The following SPATA13 variants were observed in gnomAD, a reference collection of about 807,000 sequenced individuals.
SPATA13 encodes spermatogenesis-associated protein 13.
In SPATA13, 50 loss-of-function variants were observed where a neutral mutation model predicts 104.0. The observed-to-expected ratio is 0.48, with a 90% CI of 0.38 to 0.61. The LOEUF is 0.61. SPATA13 is among the 20% of genes least tolerant of loss of function. The pLI is 0.00. For missense variants in SPATA13, 1,524 were observed against 1,690.6 expected (o/e 0.90, Z 1.73); for synonymous variants, 606 against 667.5 (o/e 0.91, Z 1.42).
At position 24,204,260 on chromosome 13, in the gene SPATA13, T is replaced by C. The variant is rs146987529; in HGVS notation, c.-111-18559T>C. On this transcript the variant is annotated intron_variant, in intron 1 of 12. Coordinates refer to ENST00000382108, the MANE Select transcript of SPATA13 (RefSeq NM_001166271.3). ...GAGTCTCTGTTACTGTTATCCACAT[T>C]TTTCATTTTGCAGATGAAAAATCTG... 2.7e-3 allele frequency among the ~76,000 whole-genome samples: 415 copies of C among 152,294 alleles called. 8 individuals carry two copies. The highest frequency in any genetic ancestry group is 0.026 in the Admixed American group (396 of 15,296).
chr13:23,997,778 C>G (rs1219395692), intron 2 of SPATA13, among the ~76,000 whole-genome samples: 3 of 152,030 alleles, frequency 2.0e-5, no homozygotes, highest in East Asian at 1.9e-4. Context: ...ACAACCAGCT[C>G]TCTTCTGAAC....
chr13:24,197,804 A>G (rs992408262), intron 1 of SPATA13, among the ~76,000 whole-genome samples: 2 of 152,020 alleles, frequency 1.3e-5, no homozygotes, highest in African/African-American at 4.8e-5. Flanking sequence ...CATTAATACC[A>G]CCAGAAATTA....
At chr13:24,229,182 A>G (rs1178017582) in intron 2 of SPATA13, among the ~76,000 whole-genome samples, 1 of 152,226 alleles carries the variant, frequency 6.6e-6, no homozygotes, top group Admixed American at 6.5e-5. Flanking sequence ...CTACCAGCTC[A>G]CAAGGAGAAA....
At chr13:24,122,228 G>T in intron 3 of SPATA13, 4 of 1,405,052 alleles carry the variant, frequency 2.8e-6, no homozygotes, top group South Asian at 1.2e-5. Flanking sequence ...TTGTTCTTCA[G>T]AAAGATGGTG....
At chr13:24,299,452 T>A (rs886105711) in intron 11 of SPATA13, among the ~76,000 whole-genome samples, 6 of 152,134 alleles carry the variant, frequency 3.9e-5, no homozygotes, top group African/African-American at 1.4e-4. Context: ...TGTGTGTGGG[T>A]AGAAGCTTCA....
chr13:24,249,315 G>T (rs978352065), intron 2 of SPATA13, among the ~76,000 whole-genome samples, 162 bp from the exon 3 acceptor site: 1 of 152,220 alleles, frequency 6.6e-6, no homozygotes, highest in African/African-American at 2.4e-5. Flanking sequence ...ATTAAGGTTT[G>T]GTTGTGTCTT....
At chr13:23,985,282 C>G (rs573594001) in intron 2 of SPATA13, among the ~76,000 whole-genome samples, 1 of 152,348 alleles carries the variant, frequency 6.6e-6, no homozygotes, top group African/African-American at 2.4e-5. Flanking sequence ...TGTGTCACGA[C>G]CTTTCTTCCT....
chr13:24,263,577 CT>C lies in SPATA13; in HGVS notation c.2164+11718del, dbSNP rs571718052. Among the ~76,000 whole-genome samples the C allele has an allele frequency of 1.1e-3, 165 of 152,322 alleles. 1 individual carries two copies. Among genetic ancestry groups the C allele is most frequent in the African/African-American group, 3.9e-3 (162 of 41,572 alleles). On this transcript the variant is annotated intron_variant, in intron 4 of 12. Transcript: ENST00000382108. ...ATAACCCATGCCCATCCTCCATATA[CT>C]TTAAATCACCTCTAGATTACTTAAA...
At chr13:24,225,387 C>T (rs985285427) in intron 2 of SPATA13, among the ~76,000 whole-genome samples, 1 of 152,158 alleles carries the variant, frequency 6.6e-6, no homozygotes, top group African/African-American at 2.4e-5. Context: ...AGCGTGTGGA[C>T]GAGGGGAACG....
intron 1 of SPATA13, among the ~76,000 whole-genome samples, chr13:24,208,712 T>C (rs1870849783): frequency 2.0e-5 from 3 of 149,446 alleles, no homozygotes; most frequent in Non-Finnish European, 4.5e-5. Flanking sequence ...AAGAAATCCC[T>C]GACAGTTCCA....
chr13:24,192,492 A>G (rs967008056), intron 1 of SPATA13, among the ~76,000 whole-genome samples: 2 of 151,896 alleles, frequency 1.3e-5, no homozygotes, highest in Admixed American at 1.3e-4. Context: ...TCCTCAGAAT[A>G]CTGTTTCCAG....
chr13:24,242,912 A>G (rs1872929325), intron 2 of SPATA13, among the ~76,000 whole-genome samples: 1 of 152,212 alleles, frequency 6.6e-6, no homozygotes, highest in South Asian at 2.1e-4. Context: ...ATTTTTGGTT[A>G]TGACACATTA....
At chr13:24,040,779 C>T (rs886447202) in intron 3 of SPATA13, among the ~76,000 whole-genome samples, 3 of 152,218 alleles carry the variant, frequency 2.0e-5, no homozygotes, top group Non-Finnish European at 4.4e-5. Context: ...GTCTGAGGCT[C>T]TTCTCTTCAG....
At chr13:24,058,839 A>T (rs1341011818) in intron 3 of SPATA13, among the ~76,000 whole-genome samples, 1 of 151,738 alleles carries the variant, frequency 6.6e-6, no homozygotes, top group Non-Finnish European at 1.5e-5. Flanking sequence ...CTTCAACCCC[A>T]CGGAAGTTGT....
intron 1 of SPATA13, among the ~76,000 whole-genome samples, chr13:24,200,334 A>G (rs1436277148): frequency 6.6e-6 from 1 of 152,078 alleles, no homozygotes; most frequent in African/African-American, 2.4e-5. Context: ...ATAGAGCAGT[A>G]TTTTCTAACC....
chr13:24,271,021 A>ACTCT lies in SPATA13; in HGVS notation c.2165-13098_2165-13095dup, dbSNP rs35776484. The ACTCT allele has an allele frequency of 4.9e-4, 295 of 607,306 alleles. 1 individual carries two copies. The highest frequency in any genetic ancestry group is 1.2e-3 in the African/African-American group (51 of 42,330). 37.6% of individuals were successfully genotyped at this position (607,306 alleles called of 1,614,324 possible). A position where few individuals can be genotyped will look rare whatever the true frequency, so the allele number is the denominator to read the frequency against. On this transcript the variant is annotated intron_variant, in intron 4 of 12. Coordinates refer to ENST00000382108, the MANE Select transcript of SPATA13 (RefSeq NM_001166271.3). ...TCTCTCTCTCTCTCCACTCTCTCTC[A>ACTCT]CTCTCTCTCTCTCTCTCTCACTCTC...
intron 9 of SPATA13, among the ~76,000 whole-genome samples, chr13:24,294,321 G>A (rs1390141436): frequency 6.6e-6 from 1 of 152,192 alleles, no homozygotes; most frequent in African/African-American, 2.4e-5. Context: ...AGAGCAAATA[G>A]TCACTGTTGA....
chr13:24,033,729 G>C (rs1268913172), intron 3 of SPATA13: 1 of 152,238 alleles, frequency 6.6e-6, no homozygotes, highest in African/African-American at 2.4e-5. Context: ...TGATGGAGCA[G>C]TTGCCTCCAC....
chr13:24,221,839 C>T (rs1267368959), intron 1 of SPATA13, among the ~76,000 whole-genome samples: 1 of 138,296 alleles, frequency 7.2e-6, no homozygotes, highest in Non-Finnish European at 1.5e-5. Context: ...GACGGAGTCT[C>T]ACTCACTCTG....
Sources: allele counts gnomAD v4.1 joint callset (sites outside exome capture counted in the v4.1 genomes callset), GRCh38; gene constraint gnomAD v4.1.1; transcripts MANE v1.5; gene names NCBI Gene and HGNC (gene_info 2026-07-23, HGNC 2026-07-21).